Variants in PKP2 observed in about 807,000 individuals in gnomAD.
PKP2 encodes plakophilin 2, also known as plakophilin-2.
A neutral mutation model predicts 83.4 loss-of-function variants in PKP2; 73 were observed. That is an observed-to-expected ratio of 0.88 (90% CI 0.72 to 1.06). PKP2 has a LOEUF of 1.06. Among genes scored for constraint, PKP2 ranks in the 50% least tolerant of loss-of-function variants. The pLI, the probability that PKP2 is intolerant of heterozygous loss-of-function variation, is 0.00. For missense variants in PKP2, 966 were observed against 1,065.4 expected (o/e 0.91, Z 1.30); for synonymous variants, 409 against 430.4 (o/e 0.95, Z 0.62).
chr12:32,873,307 A>C (rs1383178116), intron 3 of PKP2, among the ~76,000 whole-genome samples: 2 of 152,002 alleles, frequency 1.3e-5, no homozygotes, highest in African/African-American at 4.8e-5. Context: ...CATGTTGCCC[A>C]GGCTGGTTTC....
At chr12:32,838,704 C>T (rs953506585) in intron 6 of PKP2, among the ~76,000 whole-genome samples, 2 of 152,130 alleles carry the variant, frequency 1.3e-5, no homozygotes, top group Non-Finnish European at 2.9e-5. Flanking sequence ...GAAAACTTTG[C>T]TAAGTGTCAG....
chr12:32,871,510 G>A (rs1458600134), intron 3 of PKP2, among the ~76,000 whole-genome samples: 2 of 151,854 alleles, frequency 1.3e-5, no homozygotes, highest in Admixed American at 1.3e-4. Context: ...CTGTCACCCA[G>A]GCTGGAGTGC....
chr12:32,889,861 G>T (rs1033965442), intron 1 of PKP2, among the ~76,000 whole-genome samples: 2 of 151,694 alleles, frequency 1.3e-5, no homozygotes, highest in African/African-American at 4.8e-5. Flanking sequence ...CGGGTGGATC[G>T]GTCAGGAGAT....
chr12:32,852,439 G>A lies in PKP2; in HGVS notation c.1171-1466C>T, dbSNP rs149719572. ...GGATTGGAGAAAAGACTAGAAAGGC[G>A]GAAATAAACATCAGAAATGTAAAAC... is the stretch of plus-strand genomic sequence containing the variant. On this transcript the variant is annotated intron_variant, in intron 4 of 12. Transcript: ENST00000340811. 2.2e-3 allele frequency among the ~76,000 whole-genome samples: 336 copies of A among 152,084 alleles called. 1 individual carries two copies. The highest frequency in any genetic ancestry group is 6.8e-3 in the Middle Eastern group (2 of 294).
At chr12:32,813,405 G>A (rs1229702415) in intron 9 of PKP2, among the ~76,000 whole-genome samples, 1 of 152,140 alleles carries the variant, frequency 6.6e-6, no homozygotes, top group Non-Finnish European at 1.5e-5. Context: ...AACTGAGCCT[G>A]CTTAATATAT....
At chr12:32,800,920 T>C (rs1406468197) in intron 10 of PKP2, among the ~76,000 whole-genome samples, 1 of 152,208 alleles carries the variant, frequency 6.6e-6, no homozygotes, top group Non-Finnish European at 1.5e-5. Context: ...CATAACAACT[T>C]TATTGCAGGT....
intron 1 of PKP2, among the ~76,000 whole-genome samples, chr12:32,888,150 G>T (rs1342613008): frequency 6.6e-6 from 1 of 152,156 alleles, no homozygotes; most frequent in Non-Finnish European, 1.5e-5. Context: ...TCCAGCCTGG[G>T]CAACAGAGAC....
Position 32,802,575 on chromosome 12 carries a change from C to T in PKP2, c.2014-19G>A, listed in dbSNP as rs1555141646. The T allele has an allele frequency of 6.2e-7, 1 of 1,609,532 alleles. No homozygotes were observed. Among genetic ancestry groups the T allele is most frequent in the African/African-American group, 1.3e-5 (1 of 74,824 alleles). On this transcript the variant is annotated intron_variant, in intron 9 of 12. Transcript: ENST00000340811. ...TCGGCATCTGTTTTGTGAGACATATCCTATAAGTGCTATTGTATTTGATTT... is the reference window on the plus strand; with the variant it reads ...TCGGCATCTGTTTTGTGAGACATATTCTATAAGTGCTATTGTATTTGATTT...
intron 8 of PKP2, 101 bp from the exon 9 acceptor site, chr12:32,821,630 A>G (rs1956380058): frequency 4.4e-6 from 5 of 1,133,864 alleles, no homozygotes; most frequent in Non-Finnish European, 6.6e-6. Flanking sequence ...AGAAAGGCTC[A>G]TAATTTGCAT....
chr12:32,841,865 T>C (rs1190766331), intron 5 of PKP2, among the ~76,000 whole-genome samples: 1 of 152,234 alleles, frequency 6.6e-6, no homozygotes, highest in Non-Finnish European at 1.5e-5. Flanking sequence ...TTTTATAGTT[T>C]GGCAGTGAAG....
chr12:32,821,580 A>G, intron 8 of PKP2, 51 bp from the exon 9 acceptor site: 3 of 1,558,294 alleles, frequency 1.9e-6, no homozygotes, highest in Non-Finnish European at 2.7e-6. Flanking sequence ...GGTGATGGCT[A>G]TAATTTCACA....
intron 1 of PKP2, among the ~76,000 whole-genome samples, chr12:32,880,292 C>T (rs1311022215): frequency 2.6e-5 from 4 of 151,574 alleles, no homozygotes; most frequent in African/African-American, 4.9e-5. Flanking sequence ...CCCAGCTACT[C>T]GGGAGGCTGA....
In PKP2 at chr12:32,802,540, G is replaced by A. The variant is rs1359431679; in HGVS notation, c.2030C>T (p.Ala677Val). The A allele has an allele frequency of 4.3e-6, 7 of 1,614,070 alleles. No individual in the cohort carries two copies. In the South Asian group the frequency reaches 6.6e-5, roughly 15 times the overall value. The change falls in exon 10 of 13, where the codon GCT becomes GTT. Residue 677 changes from alanine to valine, a missense_variant. Coordinates refer to ENST00000340811, the MANE Select transcript of PKP2 (RefSeq NM_001005242.3). ...ACTTTCCTTCTGGACAACTGTCTGAGCCACTGATGTCGGCATCTGTTTTGT... is the reference window on the plus strand; with the variant it reads ...ACTTTCCTTCTGGACAACTGTCTGAACCACTGATGTCGGCATCTGTTTTGT... ...AGSGPMPTSVAQTVVQKESGL... is the reference protein window; with the variant it reads ...AGSGPMPTSVVQTVVQKESGL...
At chr12:32,839,574 C>G (rs1956570956) in intron 6 of PKP2, among the ~76,000 whole-genome samples, 1 of 151,908 alleles carries the variant, frequency 6.6e-6, no homozygotes, top group African/African-American at 2.4e-5. Flanking sequence ...GGTCATGGTT[C>G]CTGGTATACT....
intron 1 of PKP2, among the ~76,000 whole-genome samples, chr12:32,884,393 G>T (rs895420372): frequency 6.6e-6 from 1 of 152,136 alleles, no homozygotes; most frequent in Non-Finnish European, 1.5e-5. Context: ...GGCAGAAGTT[G>T]CAGTGAGTCA....
chr12:32,849,143 G>A lies in PKP2; in HGVS notation c.1378+1623C>T, dbSNP rs570672023. Among the ~76,000 whole-genome samples the A allele has an allele frequency of 6.6e-5, 10 of 152,084 alleles. No individual in the cohort carries two copies. In the South Asian group the frequency reaches 8.3e-4, roughly 13 times the overall value. On this transcript the variant is annotated intron_variant, in intron 5 of 12. Coordinates refer to ENST00000340811, the MANE Select transcript of PKP2 (RefSeq NM_001005242.3). Reference sequence around the variant, plus strand: ...GTGATAATTAAATTAGAAAATGTACGTATATCGCTGAGACATTGAAGATAT... The same window carrying A: ...GTGATAATTAAATTAGAAAATGTACATATATCGCTGAGACATTGAAGATAT...
chr12:32,795,609 G>C (rs914289678), intron 11 of PKP2, among the ~76,000 whole-genome samples: 1 of 152,040 alleles, frequency 6.6e-6, no homozygotes, highest in African/African-American at 2.4e-5. Flanking sequence ...TCGAACTTCT[G>C]ACCTCAAGTG....
intron 9 of PKP2, among the ~76,000 whole-genome samples, chr12:32,819,060 C>G (rs1248738585): frequency 6.6e-6 from 1 of 151,978 alleles, no homozygotes; most frequent in Non-Finnish European, 1.5e-5. Context: ...GGTGGATCAC[C>G]TGAGGTGAGG....
intron 4 of PKP2, among the ~76,000 whole-genome samples, chr12:32,868,660 T>C (rs1334077711): frequency 6.6e-6 from 1 of 152,070 alleles, no homozygotes; most frequent in African/African-American, 2.4e-5. Flanking sequence ...GTAGCTGGGA[T>C]TACAGGTACC....
Sources: allele counts gnomAD v4.1 joint callset (sites outside exome capture counted in the v4.1 genomes callset), GRCh38; gene constraint gnomAD v4.1.1; transcripts MANE v1.5; gene names NCBI Gene and HGNC (gene_info 2026-07-23, HGNC 2026-07-21).